The following ACP6 variants were observed in gnomAD, a reference collection of about 807,000 sequenced individuals.
The protein encoded by ACP6 is acid phosphatase 6, lysophosphatidic, also known as lysophosphatidic acid phosphatase type 6.
In ACP6, 48 loss-of-function variants were observed where a neutral mutation model predicts 48.1. That is an observed-to-expected ratio of 1.00 (90% CI 0.79 to 1.27). The LOEUF is 1.27. Among genes scored for constraint, ACP6 ranks in the 50% most tolerant of loss-of-function variants. The pLI, the probability that ACP6 is intolerant of heterozygous loss-of-function variation, is 0.00. For missense variants in ACP6, 485 were observed against 529.1 expected, an observed-to-expected ratio of 0.92 and a Z score of 0.82; for synonymous variants, 172 against 204.2, an observed-to-expected ratio of 0.84 and a Z score of 1.34.
intron 5 of ACP6, among the ~76,000 whole-genome samples, chr1:147,634,949 TG>T (rs1425436447): frequency 6.6e-6 from 1 of 152,236 alleles, no homozygotes; most frequent in Non-Finnish European, 1.5e-5. Context: ...TCTACTGGTC[TG>T]TTAACCCAAA....
At position 147,670,107 on chromosome 1, in the gene ACP6, TGCGGGCGCCGGGGCTCA is replaced by T. The variant is rs1272364177; in HGVS notation, c.-76_-60del. On this transcript the variant is annotated 5_prime_UTR_variant, in exon 1 of 10. An upstream open reading frame in the 5' UTR loses its in-frame stop. Coordinates refer to ENST00000583509, the MANE Select transcript of ACP6 (RefSeq NM_016361.5). ...CTGCAGGAGGCAAACACAAGTCTTC[TGCGGGCGCCGGGGCTCA>T]GCGGGCGCCCCCAAGTCCGCGGGAA... The T allele has an allele frequency of 9.9e-6, 14 of 1,418,542 alleles. No individual in the cohort carries two copies. In the East Asian group the frequency reaches 3.4e-4, roughly 34 times the overall value. The allele number at this position is 1,418,542 out of a possible 1,614,324, so 87.9% of individuals were successfully genotyped here. A position where few individuals can be genotyped will look rare whatever the true frequency, so the allele number is the denominator to read the frequency against.
intron 1 of ACP6, among the ~76,000 whole-genome samples, chr1:147,663,816 C>T (rs1336516147): frequency 6.6e-6 from 1 of 152,118 alleles, no homozygotes; most frequent in African/African-American, 2.4e-5. Flanking sequence ...ATCACCTTGT[C>T]TTCAATGTTC....
chr1:147,654,088 T>G, intron 6 of ACP6, 106 bp downstream of exon 6: 1 of 1,525,384 alleles, frequency 6.6e-7, no homozygotes, highest in Non-Finnish European at 8.8e-7. Flanking sequence ...CTTATCACAG[T>G]TGCCTTCAAA....
Position 147,647,193 on chromosome 1 carries a change from C to G in ACP6, c.*230G>C, listed in dbSNP as rs1659661672. The G allele has an allele frequency of 3.9e-6, 2 of 509,144 alleles. 1 individual carries two copies. The highest frequency in any genetic ancestry group is 6.9e-6 in the Non-Finnish European group (2 of 289,260). 31.5% of individuals were successfully genotyped at this position (509,144 alleles called of 1,614,324 possible). The stretch of plus-strand genomic sequence containing the variant: ...CAGCCCGTGTCACACAAAGATGCTT[C>G]TAACCTTAGAAACCAACTCACAAAA... On this transcript the variant is annotated 3_prime_UTR_variant, in exon 10 of 10. Coordinates refer to ENST00000583509, the MANE Select transcript of ACP6 (RefSeq NM_016361.5).
At chr1:147,636,047 A>C (rs782555903) in intron 5 of ACP6, among the ~76,000 whole-genome samples, 9 of 152,182 alleles carry the variant, frequency 5.9e-5, no homozygotes, top group Non-Finnish European at 1.3e-4. Context: ...CTGATCAATC[A>C]AAAAAGGTGA....
intron 4 of ACP6, among the ~76,000 whole-genome samples, chr1:147,655,830 C>G (rs1260676180): frequency 6.6e-6 from 1 of 152,178 alleles, no homozygotes; most frequent in Admixed American, 6.5e-5. Flanking sequence ...TCTCATATAT[C>G]TCATGGCAGC....
At position 147,670,332 on chromosome 1, in the gene ACP6, A is replaced by G. The variant is rs1553214605; in HGVS notation, c.-284T>C. 2.9e-6 allele frequency: 1 copy of G among 345,140 alleles called. No individual in the cohort carries two copies. 21.4% of individuals were successfully genotyped at this position (345,140 alleles called of 1,614,324 possible). On this transcript the variant is annotated 5_prime_UTR_variant, in exon 1 of 10. Coordinates refer to ENST00000583509, the MANE Select transcript of ACP6 (RefSeq NM_016361.5). ...TGCACACCGGGCCGGGGGAGATCGG[A>G]TCCTTATCTTTTGCCCGACGAGGAA...
chr1:147,637,345 T>G (rs1190332644), downstream of ACP6, among the ~76,000 whole-genome samples: 1 of 152,212 alleles, frequency 6.6e-6, no homozygotes, highest in Non-Finnish European at 1.5e-5. Flanking sequence ...TCAGCTCTGA[T>G]TATTTCAAAG....
At chr1:147,658,822 G>A (rs887057411) in intron 4 of ACP6, 138 bp downstream of exon 4, 9 of 764,798 alleles carry the variant, frequency 1.2e-5, no homozygotes. Flanking sequence ...AGACCCACTG[G>A]ACTAGGTACA....
chr1:147,661,665 T>G (rs1660551652), intron 1 of ACP6, among the ~76,000 whole-genome samples: 7 of 152,204 alleles, frequency 4.6e-5, no homozygotes. Flanking sequence ...AAGGAAGGCA[T>G]GTAGAAAGCT....
rs782502008 is a variant in ACP6, at chr1:147,652,675, C to T, written c.781-126G>A. 5 of 1,595,628 alleles carry T rather than the reference C, an allele frequency of 3.1e-6. No homozygotes were observed. In the East Asian group the frequency reaches 6.7e-5, roughly 21 times the overall value. On this transcript the variant is annotated intron_variant, in intron 6 of 9. Transcript: ENST00000583509. ...GGGGAAGAGAAGACAGGCTCAAGAA[C>T]AGCTATGTCTGTTAACAGGTCAAGA...
At position 147,654,096 on chromosome 1, in the gene ACP6, A is replaced by T; in HGVS notation, c.780+98T>A. The T allele has an allele frequency of 2.6e-6, 4 of 1,537,286 alleles. No homozygotes were observed. The South Asian group carries it at 5.2e-5, about 20-fold the overall frequency. ...TGTAGGTCTTATCACAGTTGCCTTC[A>T]AACCAGGAGGCCTCCACCCACTTCT... On this transcript the variant is annotated intron_variant, in intron 6 of 9. Coordinates refer to ENST00000583509, the MANE Select transcript of ACP6 (RefSeq NM_016361.5).
chr1:147,634,532 A>G (rs1659250908), intron 5 of ACP6, among the ~76,000 whole-genome samples: 1 of 152,066 alleles, frequency 6.6e-6, no homozygotes, highest in Admixed American at 6.5e-5. Flanking sequence ...TGTGAAATAT[A>G]ATGTCATAAA....
chr1:147,663,969 T>C (rs1660674951), intron 1 of ACP6, among the ~76,000 whole-genome samples: 4 of 152,166 alleles, frequency 2.6e-5, no homozygotes, highest in African/African-American at 9.7e-5. Flanking sequence ...AAAACTAACA[T>C]TTGGAAACCT....
chr1:147,654,600 G>C lies in ACP6; in HGVS notation c.648-274C>G, dbSNP rs587648005. ...TTGCATTGCATCAAAAATGATGCAA[G>C]CATGGCCCAGGTCTGTCTGAAAACA... On this transcript the variant is annotated intron_variant, in intron 5 of 9. Coordinates refer to ENST00000583509, the MANE Select transcript of ACP6 (RefSeq NM_016361.5). Among the ~76,000 whole-genome samples, 10 of 152,330 alleles carry C rather than the reference G, an allele frequency of 6.6e-5. No individual in the cohort carries two copies. The East Asian group carries it at 1.7e-3, about 26-fold the overall frequency.
Position 147,648,302 on chromosome 1 carries a change from G to A in ACP6, c.1087C>T (p.Leu363Phe). 6.2e-7 allele frequency: 1 copy of A among 1,614,180 alleles called. No homozygotes were observed. The change falls in exon 9 of 10, where the codon CTT becomes TTT. Residue 363 changes from leucine (L) to phenylalanine (F), a missense_variant. By Grantham distance (22) the Leu-to-Phe change is conservative. Coordinates refer to ENST00000583509, the MANE Select transcript of ACP6 (RefSeq NM_016361.5). Reference protein sequence around the residue: ...PPFAVDLTMELYQHLESKEWF... With the variant: ...PPFAVDLTMEFYQHLESKEWF... ...TCCTTAGATTCCAGGTGCTGGTAAA[G>A]TTCCATGGTCAGGTCAACAGCAAAC...
At chr1:147,668,626 A>T (rs1660921930) in intron 1 of ACP6, among the ~76,000 whole-genome samples, 3 of 152,170 alleles carry the variant, frequency 2.0e-5, no homozygotes, top group Non-Finnish European at 4.4e-5. Flanking sequence ...AATCATAAGG[A>T]AAATTTAGTG....
rs1553207982 is a variant in ACP6, at chr1:147,636,174, G to C, written c.461-5109C>G. On this transcript the variant is annotated intron_variant, in intron 5 of 5. Coordinates refer to the ACP6 transcript ENST00000609196. ...TGGGGGAAAGGGTGTAAATGTGAAA[G>C]AGGCAAAGAGATACTGAGTTATACA... is the stretch of plus-strand genomic sequence containing the variant. Among the ~76,000 whole-genome samples the C allele has an allele frequency of 2.6e-5, 4 of 152,320 alleles. No individual in the cohort carries two copies. The South Asian group carries it at 8.3e-4, about 32-fold the overall frequency.
Position 147,670,005 on chromosome 1 carries a change from C to T in ACP6, c.44G>A (p.Gly15Asp). The change falls in exon 1 of 10, where the codon GGC becomes GAC. Residue 15 changes from glycine to aspartate, a missense_variant. Transcript: ENST00000583509. ...VFSMRLWTPV[G>D]VLTSLAYCLH... The stretch of plus-strand genomic sequence containing the variant: ...GCAGTACGCCAGCGAGGTCAGGACG[C>T]CCACTGGGGTCCACAAGCGCATGCT... 3 of 1,546,226 alleles carry T rather than the reference C, an allele frequency of 1.9e-6. No individual in the cohort carries two copies. The highest frequency in any genetic ancestry group is 1.7e-6 in the Non-Finnish European group (2 of 1,144,786).
Sources: allele counts gnomAD v4.1 joint callset (sites outside exome capture counted in the v4.1 genomes callset), GRCh38; gene constraint gnomAD v4.1.1; transcripts MANE v1.5; gene names NCBI Gene and HGNC (gene_info 2026-07-23, HGNC 2026-07-21).